MAVS: variants seen among roughly 807,000 people sequenced by gnomAD.
MAVS encodes the protein mitochondrial antiviral signaling protein, also known as mitochondrial antiviral-signaling protein.
In MAVS, 20 loss-of-function variants were observed where a neutral mutation model predicts 30.2. That is an observed-to-expected ratio of 0.66 (90% CI 0.47 to 0.96). The LOEUF (loss-of-function observed/expected upper bound fraction) is 0.96, where lower values mean the gene tolerates loss of function less well. MAVS is among the 40% of genes least tolerant of loss of function. MAVS has a pLI of 0.00. For synonymous variants in MAVS, 278 were observed against 293.9 expected (o/e 0.95, Z 0.55); for missense variants, 624 against 701.1 (o/e 0.89, Z 1.24).
At chr20:3,854,187 C>T (rs1041221532) in intron 1 of MAVS, among the ~76,000 whole-genome samples, 7 of 151,618 alleles carry the variant, frequency 4.6e-5, no homozygotes, top group East Asian at 1.9e-4. Flanking sequence ...CTTGGGAGGC[C>T]GAGGCGGGTG....
intron 6 of MAVS, 105 bp downstream of exon 6, chr20:3,864,893 G>C: frequency 7.2e-7 from 1 of 1,396,790 alleles, no homozygotes; most frequent in Non-Finnish European, 9.8e-7. Flanking sequence ...TCTGTGTCCA[G>C]CCTGTGCTGC....
At chr20:3,863,864 G>A (rs543706148) in intron 5 of MAVS, among the ~76,000 whole-genome samples, 8 of 152,316 alleles carry the variant, frequency 5.3e-5, no homozygotes, top group African/African-American at 1.9e-4. Context: ...CCCACTCATG[G>A]TGGTAGGAGA....
At chr20:3,855,466 G>C (rs901138348) in intron 2 of MAVS, among the ~76,000 whole-genome samples, 3 of 152,128 alleles carry the variant, frequency 2.0e-5, no homozygotes, top group African/African-American at 7.2e-5. Flanking sequence ...GCAGGATCAG[G>C]GTCGCTCTAG....
chr20:3,848,087 A>G (rs978193396), intron 1 of MAVS, among the ~76,000 whole-genome samples: 9 of 151,976 alleles, frequency 5.9e-5, no homozygotes, highest in Non-Finnish European at 1.3e-4. Flanking sequence ...ATGCCATGAG[A>G]AAGGAAGGAG....
intron 1 of MAVS, among the ~76,000 whole-genome samples, chr20:3,848,244 G>A (rs1196229442): frequency 1.3e-5 from 2 of 152,022 alleles, no homozygotes; most frequent in Non-Finnish European, 2.9e-5. Context: ...GACTACAGGT[G>A]TGTGCCACCA....
Position 3,865,183 on chromosome 20 carries a change from G to A in MAVS, c.1158+395G>A, listed in dbSNP as rs1600454726. Among the ~76,000 whole-genome samples the A allele has an allele frequency of 6.6e-6, 1 of 152,344 alleles. No homozygotes were observed. The highest frequency in any genetic ancestry group is 2.1e-4 in the South Asian group (1 of 4,828). ...CTTGCTCTTCACCAGGATGCCTGGTGTGTCCCTCCATGGCCAGGCTTTACA... is the reference window on the plus strand; with the variant it reads ...CTTGCTCTTCACCAGGATGCCTGGTATGTCCCTCCATGGCCAGGCTTTACA... On this transcript the variant is annotated intron_variant, in intron 6 of 6. Transcript: ENST00000428216. This position sits in a 1 kb window ranked among gnomAD's most constrained non-coding sequence, Gnocchi z 4.7.
chr20:3,852,998 T>C (rs6052124), intron 1 of MAVS, among the ~76,000 whole-genome samples: 80,308 of 149,984 alleles, frequency 0.54, 21,768 homozygotes, highest in East Asian at 0.79. Context: ...GCCACCATGC[T>C]TGGCTAATTT....
At chr20:3,858,074 G>A in intron 3 of MAVS, 2 of 518,838 alleles carry the variant, frequency 3.9e-6, no homozygotes, top group Non-Finnish European at 7.1e-6. Context: ...GCTGCAGTGG[G>A]TGATACTGCG....
At chr20:3,847,500 C>A (rs1368863858) in intron 1 of MAVS, among the ~76,000 whole-genome samples, 1 of 152,202 alleles carries the variant, frequency 6.6e-6, no homozygotes, top group Non-Finnish European at 1.5e-5. Context: ...CACTCTGTCA[C>A]CTACTTCCTT....
intron 1 of MAVS, among the ~76,000 whole-genome samples, chr20:3,848,148 G>A (rs1284852644): frequency 3.3e-5 from 5 of 151,898 alleles, no homozygotes; most frequent in Non-Finnish European, 7.4e-5. Flanking sequence ...TGCCCAGGCT[G>A]GAGCGCAGTG....
At chr20:3,848,229 G>A (rs563387566) in intron 1 of MAVS, among the ~76,000 whole-genome samples, 15 of 152,208 alleles carry the variant, frequency 9.9e-5, no homozygotes, top group Non-Finnish European at 1.8e-4. Flanking sequence ...CTCCTGAGTA[G>A]CTGGGACTAC....
In MAVS at chr20:3,866,674, C is replaced by T. The variant is rs1344043210; in HGVS notation, c.*527C>T. On this transcript the variant is annotated 3_prime_UTR_variant, in exon 7 of 7. Coordinates refer to ENST00000428216, the MANE Select transcript of MAVS (RefSeq NM_020746.5). ...CGGCAGGGTGGCTGCTCTCCAGGAG[C>T]CCAACTGCCTTGAGTTCCTGCCCCA... 5.6e-6 allele frequency: 2 copies of T among 355,656 alleles called. No individual in the cohort carries two copies. The highest frequency in any genetic ancestry group is 1.1e-5 in the Non-Finnish European group (2 of 180,228). The allele number at this position is 355,656 out of a possible 1,614,324, so 22.0% of individuals were successfully genotyped here. A position where few individuals can be genotyped will look rare whatever the true frequency, so the allele number is the denominator to read the frequency against.
At position 3,871,380 on chromosome 20, in the gene MAVS, C is replaced by T. The variant is rs1007236272; in HGVS notation, c.*5233C>T. On this transcript the variant is annotated 3_prime_UTR_variant, in exon 7 of 7. Coordinates refer to ENST00000428216, the MANE Select transcript of MAVS (RefSeq NM_020746.5). The stretch of plus-strand genomic sequence containing the variant: ...TTGAACCAGTTCAGAGTTGGAGTAG[C>T]GCAGGATCCTGTCTTCAGAGGAGGG... 2.0e-5 allele frequency: 3 copies of T among 153,762 alleles called. No homozygotes were observed. Among genetic ancestry groups the T allele is most frequent in the Non-Finnish European group, 4.4e-5 (3 of 68,070 alleles). The allele number at this position is 153,762 out of a possible 1,614,324, so 9.5% of individuals were successfully genotyped here.
intron 4 of MAVS, 70 bp downstream of exon 4, chr20:3,861,574 C>T (rs1819537068): frequency 5.3e-6 from 8 of 1,507,138 alleles, no homozygotes; most frequent in Non-Finnish European, 7.3e-6. Flanking sequence ...CCCATTGAGC[C>T]TTCCAGAAAC....
chr20:3,854,891 CTTTTTTTTTT>C (rs61256246), intron 2 of MAVS, 150 bp downstream of exon 2: 1 of 303,536 alleles, frequency 3.3e-6, no homozygotes, highest in South Asian at 4.5e-5. Flanking sequence ...TGCTGCTTTT[CTTTTTTTTTT>C]TTTTTTTTGA....
chr20:3,853,240 A>T (rs1390039240), intron 1 of MAVS, among the ~76,000 whole-genome samples: 11 of 148,946 alleles, frequency 7.4e-5, no homozygotes, highest in Admixed American at 7.3e-4. Context: ...TAATCCCAGC[A>T]CTTTGGGAGG....
At chr20:3,855,801 C>T (rs371003273) in intron 2 of MAVS, among the ~76,000 whole-genome samples, 3 of 152,188 alleles carry the variant, frequency 2.0e-5, no homozygotes, top group South Asian at 2.1e-4. Context: ...TTTTTTGAGA[C>T]GGAGTCTCGC....
intron 2 of MAVS, among the ~76,000 whole-genome samples, chr20:3,856,992 C>G (rs116856555): frequency 6.7e-6 from 1 of 148,474 alleles, no homozygotes; most frequent in Non-Finnish European, 1.5e-5. Flanking sequence ...GCTGATATCA[C>G]GGCACTGCAC....
intron 3 of MAVS, among the ~76,000 whole-genome samples, chr20:3,859,380 A>C (rs184545501): frequency 2.0e-4 from 30 of 151,888 alleles, no homozygotes; most frequent in African/African-American, 6.0e-4. Flanking sequence ...TGGTGGTGCA[A>C]GCCTGTAATC....
Sources: allele counts gnomAD v4.1 joint callset (sites outside exome capture counted in the v4.1 genomes callset), GRCh38; gene constraint gnomAD v4.1.1; non-coding constraint Gnocchi (gnomAD v3.1); transcripts MANE v1.5; gene names NCBI Gene and HGNC (gene_info 2026-07-23, HGNC 2026-07-21).